Variants in EYA2 observed in about 807,000 individuals in gnomAD.
EYA2 encodes the protein protein phosphatase EYA2.
Under a neutral mutation model 69.2 loss-of-function variants are expected in EYA2, and 31 were observed. The ratio of observed to expected loss-of-function variants is 0.45; its 90% CI spans 0.34 to 0.60. The LOEUF is 0.60. Ranked by LOEUF, EYA2 falls within the 20% of genes least tolerant of loss-of-function variation. The pLI, the probability that EYA2 is intolerant of heterozygous loss-of-function variation, is 0.02. For synonymous variants in EYA2, 257 were observed against 279.4 expected (o/e 0.92, Z 0.80); for missense variants, 622 against 701.2 (o/e 0.89, Z 1.28).
In EYA2 at chr20:47,026,701, A is replaced by G. The variant is rs966833111; in HGVS notation, c.415+10404A>G. Among the ~76,000 whole-genome samples, 5 of 152,198 alleles carry G rather than the reference A, an allele frequency of 3.3e-5. No homozygotes were observed. In the South Asian group the frequency reaches 8.3e-4, roughly 25 times the overall value. On this transcript the variant is annotated intron_variant, in intron 5 of 15. Coordinates refer to ENST00000327619, the MANE Select transcript of EYA2 (RefSeq NM_005244.5). ...CCGAGCAGTAATGTAAAAGAGAGAC[A>G]TGAGCTAGATATAGGGTTATAGGGA...
intron 4 of EYA2, among the ~76,000 whole-genome samples, 171 bp from the exon 5 acceptor site, chr20:47,016,010 A>G (rs986867817): frequency 6.6e-6 from 1 of 152,258 alleles, no homozygotes; most frequent in Non-Finnish European, 1.5e-5. Context: ...ATGCTGGCCA[A>G]GTCAAATGTC....
At chr20:47,001,083 T>C (rs1325185226) in intron 2 of EYA2, among the ~76,000 whole-genome samples, 1 of 152,150 alleles carries the variant, frequency 6.6e-6, no homozygotes, top group Non-Finnish European at 1.5e-5. Flanking sequence ...CCTGGTCATG[T>C]GACTTGGCTC....
intron 10 of EYA2, among the ~76,000 whole-genome samples, chr20:47,157,730 T>C (rs2033983698): frequency 6.6e-6 from 1 of 151,856 alleles, no homozygotes; most frequent in African/African-American, 2.4e-5. Flanking sequence ...TAAAAATAAA[T>C]ACAACAAACC....
intron 1 of EYA2, among the ~76,000 whole-genome samples, chr20:46,912,122 T>C (rs930353699): frequency 6.6e-6 from 1 of 152,132 alleles, no homozygotes; most frequent in African/African-American, 2.4e-5. Flanking sequence ...GTGGTTGGGC[T>C]TGTTGGAGAG....
intron 4 of EYA2, among the ~76,000 whole-genome samples, chr20:47,012,182 G>T (rs996472160): frequency 8.5e-5 from 13 of 152,212 alleles, no homozygotes; most frequent in Admixed American, 7.9e-4. Flanking sequence ...AAATCCACAT[G>T]CTCACTTTGG....
intron 4 of EYA2, among the ~76,000 whole-genome samples, chr20:47,006,108 C>T (rs1320115897): frequency 2.0e-5 from 3 of 152,236 alleles, no homozygotes; most frequent in Non-Finnish European, 4.4e-5. Context: ...GTGGCAAAGA[C>T]AGCCCTGGCA....
intron 1 of EYA2, among the ~76,000 whole-genome samples, chr20:46,932,649 G>A (rs1985721530): frequency 1.3e-5 from 2 of 152,186 alleles, no homozygotes; most frequent in South Asian, 4.1e-4. Context: ...TTGGGAGGCG[G>A]AGGTGGGTGA....
At chr20:46,929,967 A>C (rs1033306421) in intron 1 of EYA2, among the ~76,000 whole-genome samples, 3 of 152,242 alleles carry the variant, frequency 2.0e-5, no homozygotes, top group African/African-American at 7.2e-5. Context: ...GGGATTAGAT[A>C]ATGTCCAAGT....
chr20:47,187,777 C>T (rs1014553953), intron 15 of EYA2, among the ~76,000 whole-genome samples: 10 of 152,236 alleles, frequency 6.6e-5, no homozygotes, highest in African/African-American at 1.9e-4. Flanking sequence ...CCTAAGACCA[C>T]GCTGGTACCA....
intron 9 of EYA2, among the ~76,000 whole-genome samples, chr20:47,106,992 C>T (rs1025309020): frequency 9.2e-5 from 14 of 152,098 alleles, no homozygotes; most frequent in Admixed American, 5.2e-4. Flanking sequence ...GCAGTTGTCA[C>T]GGTGATGGGA....
intron 1 of EYA2, among the ~76,000 whole-genome samples, chr20:46,898,641 C>T (rs1401056339): frequency 6.6e-6 from 1 of 152,280 alleles, no homozygotes; most frequent in Non-Finnish European, 1.5e-5. Context: ...CGTAACTGGC[C>T]TAATGGTGTT....
intron 10 of EYA2, among the ~76,000 whole-genome samples, chr20:47,153,287 A>T (rs1490781037): frequency 1.3e-5 from 2 of 151,998 alleles, no homozygotes; most frequent in Non-Finnish European, 2.9e-5. Flanking sequence ...CAAACCAGTG[A>T]TGTCATAGGT....
chr20:46,994,931 G>A (rs887241654), intron 2 of EYA2, among the ~76,000 whole-genome samples: 10 of 149,124 alleles, frequency 6.7e-5, no homozygotes, highest in East Asian at 3.9e-4. Flanking sequence ...ACCGAGTTTC[G>A]CTCTTGCGAA....
intron 9 of EYA2, among the ~76,000 whole-genome samples, chr20:47,135,240 T>C (rs945874722): frequency 3.3e-4 from 50 of 152,120 alleles, no homozygotes; most frequent in African/African-American, 1.1e-3. Flanking sequence ...CATTAAACTT[T>C]CACTAAAAGG....
chr20:47,031,495 C>CGAAG lies in EYA2; in HGVS notation c.415+15198_415+15199insGAAG, dbSNP rs1298898761. On this transcript the variant is annotated intron_variant, in intron 5 of 15. Transcript: ENST00000327619. ...CTGACCTGTCCCTAGCTCTCCCTTCCCCTCCGCTTCTCTAGGTCAGACACA... is the reference window on the plus strand; with the variant it reads ...CTGACCTGTCCCTAGCTCTCCCTTCCGAAGCCTCCGCTTCTCTAGGTCAGACACA... Among the ~76,000 whole-genome samples, 3 of 152,290 alleles carry CGAAG rather than the reference C, an allele frequency of 2.0e-5. No homozygotes were observed. The East Asian group carries it at 5.8e-4, about 29-fold the overall frequency.
intron 2 of EYA2, among the ~76,000 whole-genome samples, chr20:46,995,712 T>G (rs1208139735): frequency 6.6e-6 from 1 of 152,212 alleles, no homozygotes; most frequent in African/African-American, 2.4e-5. Context: ...TTAGGCAACA[T>G]AACAGCCGTT....
intron 10 of EYA2, among the ~76,000 whole-genome samples, chr20:47,167,269 C>T (rs1002428740): frequency 8.6e-5 from 11 of 128,436 alleles, no homozygotes; most frequent in Non-Finnish European, 8.2e-5. Context: ...AGAGGAGAAT[C>T]GGTTTTTTTA....
At chr20:47,168,669 A>G (rs1229302456) in intron 10 of EYA2, among the ~76,000 whole-genome samples, 2 of 152,190 alleles carry the variant, frequency 1.3e-5, no homozygotes, top group Non-Finnish European at 2.9e-5. Flanking sequence ...CCAGGAGCCA[A>G]TACTTGAAGA....
intron 10 of EYA2, among the ~76,000 whole-genome samples, chr20:47,157,035 C>T (rs2033966132): frequency 6.6e-6 from 1 of 151,942 alleles, no homozygotes; most frequent in Non-Finnish European, 1.5e-5. Context: ...ACTGAGTTTA[C>T]TGATCAGCAA....
Sources: gnomAD v4.1 joint callset for allele counts (sites outside exome capture counted in the v4.1 genomes callset) on GRCh38, gnomAD v4.1.1 for gene constraint, MANE v1.5 for transcripts, NCBI Gene and HGNC (gene_info 2026-07-23, HGNC 2026-07-21) for gene names.